Variants in GALNT2 observed in about 807,000 individuals in gnomAD.
GALNT2 encodes polypeptide N-acetylgalactosaminyltransferase 2.
A neutral mutation model predicts 81.4 loss-of-function variants in GALNT2; 31 were observed. The ratio of observed to expected loss-of-function variants is 0.38; its 90% CI spans 0.29 to 0.51. GALNT2 has a LOEUF of 0.51. Ranked by LOEUF, GALNT2 falls within the 20% of genes least tolerant of loss-of-function variation. The pLI is 0.87. For synonymous variants in GALNT2, 303 were observed against 287.4 expected (o/e 1.05, Z -0.55); for missense variants, 629 against 765.7 (o/e 0.82, Z 2.11).
At chr1:230,215,469 G>A (rs1017887279) in intron 3 of GALNT2, among the ~76,000 whole-genome samples, 6 of 152,162 alleles carry the variant, frequency 3.9e-5, no homozygotes, top group Non-Finnish European at 7.3e-5. Flanking sequence ...ATTTCATCCC[G>A]AATTTCTGGT....
rs2102787260 is a variant in GALNT2 at position 230,279,639 on chromosome 1, A to G, written c.*181A>G. 10 of 745,320 alleles carry G rather than the reference A, an allele frequency of 1.3e-5. No individual in the cohort carries two copies. The South Asian group carries it at 1.8e-4, about 14-fold the overall frequency. The allele number at this position is 745,320 out of a possible 1,614,324, so 46.2% of individuals were successfully genotyped here. A position where few individuals can be genotyped will look rare whatever the true frequency, so the allele number is the denominator to read the frequency against. Reference sequence around the variant, plus strand: ...CTGTGCAGACACAGCAGCGGCAAGAAGCGAGAACTGCCCTCCCCCTCCTCT... The same window carrying G: ...CTGTGCAGACACAGCAGCGGCAAGAGGCGAGAACTGCCCTCCCCCTCCTCT... On this transcript the variant is annotated 3_prime_UTR_variant, in exon 16 of 16. Transcript: ENST00000366672. This position sits in a 1 kb window ranked among gnomAD's most constrained non-coding sequence, Gnocchi z 4.6.
chr1:230,237,806 T>C (rs982086243), intron 6 of GALNT2, among the ~76,000 whole-genome samples: 21 of 150,814 alleles, frequency 1.4e-4, no homozygotes, highest in African/African-American at 5.1e-4. Context: ...AAACCCAAAG[T>C]ATCTGCCATC....
At chr1:230,060,686 T>G (rs1383877879) in intron 1 of GALNT2, among the ~76,000 whole-genome samples, 1 of 152,192 alleles carries the variant, frequency 6.6e-6, no homozygotes, top group African/African-American at 2.4e-5. Flanking sequence ...CAAACAAACC[T>G]TTACTGCGAT....
intron 2 of GALNT2, among the ~76,000 whole-genome samples, chr1:230,185,182 T>C (rs1283450209): frequency 6.6e-6 from 1 of 152,204 alleles, no homozygotes; most frequent in Non-Finnish European, 1.5e-5. Context: ...ATTATAGTTG[T>C]TTTAAATTCC....
chr1:230,182,758 GTGT>G (rs1388909700), intron 2 of GALNT2, among the ~76,000 whole-genome samples: 1 of 152,150 alleles, frequency 6.6e-6, no homozygotes, highest in Non-Finnish European at 1.5e-5. Flanking sequence ...TTGATTGATG[GTGT>G]TGTTGAGTTC....
intron 1 of GALNT2, among the ~76,000 whole-genome samples, chr1:230,159,852 C>G (rs1197809149): frequency 6.6e-6 from 1 of 152,202 alleles, no homozygotes; most frequent in African/African-American, 2.4e-5. Context: ...GTTGGAAGTG[C>G]CAGCTTGGCT....
intron 6 of GALNT2, among the ~76,000 whole-genome samples, chr1:230,237,654 C>G (rs1376795387): frequency 6.6e-6 from 1 of 152,090 alleles, no homozygotes; most frequent in Non-Finnish European, 1.5e-5. Context: ...CCTAGACATT[C>G]AAGATACATA....
intron 12 of GALNT2, 90 bp downstream of exon 12, chr1:230,262,755 G>C: frequency 1.4e-6 from 2 of 1,395,108 alleles, no homozygotes; most frequent in Admixed American, 3.4e-5. Context: ...GTTGAATTCA[G>C]CTACCCAGGT....
At chr1:230,189,858 T>G (rs1309478635) in intron 2 of GALNT2, among the ~76,000 whole-genome samples, 2 of 152,212 alleles carry the variant, frequency 1.3e-5, no homozygotes, top group Non-Finnish European at 2.9e-5. Context: ...TGAATTTGGT[T>G]CCTCTGGGTC....
intron 1 of GALNT2, among the ~76,000 whole-genome samples, chr1:230,162,937 A>G (rs1170387165): frequency 6.6e-6 from 1 of 152,186 alleles, no homozygotes; most frequent in Non-Finnish European, 1.5e-5. Context: ...TTTCCCCTGT[A>G]ACTTTGGGTC....
chr1:230,237,181 A>G (rs563221271), intron 6 of GALNT2, among the ~76,000 whole-genome samples: 18 of 152,348 alleles, frequency 1.2e-4, no homozygotes, highest in African/African-American at 4.3e-4. Context: ...CGATTTTGCA[A>G]ATGCCAACCT....
chr1:230,262,921 G>A lies in GALNT2; in HGVS notation c.1230-1G>A. 6.2e-7 allele frequency: 1 copy of A among 1,612,508 alleles called. No homozygotes were observed. Among genetic ancestry groups the A allele is most frequent in the Non-Finnish European group, 8.5e-7 (1 of 1,178,536 alleles). ...AGGAATCTTATTTCCCTCTTCTCCA[G>A]TATTCAGAGCAGATTGGAGCTTAGG... is the stretch of plus-strand genomic sequence containing the variant. On this transcript the variant is annotated splice_acceptor_variant, in intron 12 of 15. Transcript: ENST00000366672. LOFTEE classifies it high-confidence loss of function.
rs147219046 is a variant in GALNT2 at position 230,274,508 on chromosome 1, C to G, written c.1504C>G (p.Arg502Gly). 17 of 1,613,832 alleles carry G rather than the reference C, an allele frequency of 1.1e-5. No individual in the cohort carries two copies. The highest frequency in any genetic ancestry group is 1.4e-5 in the Non-Finnish European group (17 of 1,179,904). Reference sequence around the variant, plus strand: ...GGATTTGTGCCTTACTGTGGTGGACCGGGCACCGGGCTCTCTTATAAAGCT... The same window carrying G: ...GGATTTGTGCCTTACTGTGGTGGACGGGGCACCGGGCTCTCTTATAAAGCT... ...HMDLCLTVVDRAPGSLIKLQG... is the reference protein window; with the variant it reads ...HMDLCLTVVDGAPGSLIKLQG... The change falls in exon 15 of 16, where the codon CGG (arginine) becomes GGG (glycine). Residue 502 changes from arginine to glycine, a missense_variant. By Grantham distance (125) the Arg-to-Gly change is moderately radical. Coordinates refer to ENST00000366672, the MANE Select transcript of GALNT2 (RefSeq NM_004481.5).
intron 1 of GALNT2, among the ~76,000 whole-genome samples, chr1:230,073,659 C>T (rs184877637): frequency 1.9e-3 from 290 of 152,336 alleles, no homozygotes; most frequent in Non-Finnish European, 3.2e-3. Context: ...CACTCATAGG[C>T]TTACATTTAA....
At chr1:230,207,626 C>T (rs1237890254) in intron 3 of GALNT2, among the ~76,000 whole-genome samples, 1 of 152,026 alleles carries the variant, frequency 6.6e-6, no homozygotes, top group Non-Finnish European at 1.5e-5. Context: ...CAAGGTCTCA[C>T]TCTGTCACCC....
intron 8 of GALNT2, among the ~76,000 whole-genome samples, 192 bp from the exon 9 acceptor site, chr1:230,248,992 C>T (rs147735747): frequency 1.2e-4 from 18 of 152,296 alleles, no homozygotes; most frequent in African/African-American, 3.6e-4. Flanking sequence ...CCCTCACTGC[C>T]GGTCTCTCTC....
Position 230,067,319 on chromosome 1 carries a change from C to T in GALNT2, c.39C>T (p.Phe13=), listed in dbSNP as rs773281082. Reference sequence around the variant, plus strand: ...CGCGGATGCTGCTCTGCTTCGCCTTCCTGTGGGTGCTGGGCATCGCCTACT... The same window carrying T: ...CGCGGATGCTGCTCTGCTTCGCCTTTCTGTGGGTGCTGGGCATCGCCTACT... ...RRSRMLLCFA[F]LWVLGIAYYM... The change falls in exon 1 of 16, where the codon TTC becomes TTT. Residue 13 remains phenylalanine (F), a synonymous_variant. Coordinates refer to ENST00000366672, the MANE Select transcript of GALNT2 (RefSeq NM_004481.5). The T allele has an allele frequency of 5.8e-6, 8 of 1,389,092 alleles. No homozygotes were observed. The highest frequency in any genetic ancestry group is 9.4e-7 in the Non-Finnish European group (1 of 1,058,250). The allele number at this position is 1,389,092 out of a possible 1,614,324, so 86.0% of individuals were successfully genotyped here.
chr1:230,207,140 A>G (rs1381757349), intron 3 of GALNT2, among the ~76,000 whole-genome samples: 3 of 152,020 alleles, frequency 2.0e-5, no homozygotes, highest in South Asian at 4.2e-4. Flanking sequence ...TTCAATAAGT[A>G]TTTGCTGAGT....
chr1:230,143,309 A>G (rs1209856768), intron 1 of GALNT2, among the ~76,000 whole-genome samples: 1 of 152,198 alleles, frequency 6.6e-6, no homozygotes, highest in Non-Finnish European at 1.5e-5. Flanking sequence ...CTTCTCTGGA[A>G]GGTGTAGTTA....
Sources: allele counts gnomAD v4.1 joint callset (sites outside exome capture counted in the v4.1 genomes callset), GRCh38; gene constraint gnomAD v4.1.1; non-coding constraint Gnocchi (gnomAD v3.1); transcripts MANE v1.5; gene names NCBI Gene and HGNC (gene_info 2026-07-23, HGNC 2026-07-21).